Variants in SDK2 observed in about 807,000 individuals in gnomAD.
The protein encoded by SDK2 is sidekick cell adhesion molecule 2, also known as protein sidekick-2.
Under a neutral mutation model 253.9 loss-of-function variants are expected in SDK2, and 105 were observed. That is an observed-to-expected ratio of 0.41 (90% CI 0.35 to 0.49). SDK2 has a LOEUF of 0.49. SDK2 is among the 20% of genes least tolerant of loss of function. The pLI, the probability that SDK2 is intolerant of heterozygous loss-of-function variation, is 0.06. For missense variants in SDK2, 2,608 were observed against 3,003.0 expected (o/e 0.87, Z 3.07); for synonymous variants, 1,249 against 1,234.9 (o/e 1.01, Z -0.24).
At position 73,435,400 on chromosome 17, in the gene SDK2, C is replaced by T. The variant is rs371875223; in HGVS notation, c.1195+50G>A. 76 of 1,499,794 alleles carry T rather than the reference C, an allele frequency of 5.1e-5. No homozygotes were observed. In the Middle Eastern group the frequency reaches 5.2e-4, roughly 10 times the overall value. The allele number at this position is 1,499,794 out of a possible 1,614,324, so 92.9% of individuals were successfully genotyped here. Reference sequence around the variant, plus strand: ...CTCGGAAGACCTTGGAAGAAAGCTGCGTCCTGGGAAGAGGGGCTCACGGGC... The same window carrying T: ...CTCGGAAGACCTTGGAAGAAAGCTGTGTCCTGGGAAGAGGGGCTCACGGGC... On this transcript the variant is annotated intron_variant, in intron 9 of 44. Coordinates refer to ENST00000392650, the MANE Select transcript of SDK2 (RefSeq NM_001144952.2). The surrounding 1 kb of genome is among the most constrained non-coding windows in gnomAD (Gnocchi z 5.7).
At chr17:73,477,270 C>T (rs1298476310) in intron 2 of SDK2, among the ~76,000 whole-genome samples, 1 of 152,146 alleles carries the variant, frequency 6.6e-6, no homozygotes, top group Non-Finnish European at 1.5e-5. Context: ...CCCGTAGCTG[C>T]CAGCCCAGCA....
chr17:73,546,228 C>T (rs2044962699), intron 1 of SDK2, among the ~76,000 whole-genome samples: 1 of 152,198 alleles, frequency 6.6e-6, no homozygotes, highest in Non-Finnish European at 1.5e-5. Flanking sequence ...CAGACCTGCC[C>T]TCTCTCCTGT....
At chr17:73,506,159 A>G (rs1014268752) in intron 2 of SDK2, among the ~76,000 whole-genome samples, 1 of 152,238 alleles carries the variant, frequency 6.6e-6, no homozygotes, top group African/African-American at 2.4e-5. Context: ...GTCTAAGATG[A>G]TGCAGGGGCC....
At chr17:73,544,032 C>T (rs529513663) in intron 1 of SDK2, among the ~76,000 whole-genome samples, 4 of 152,318 alleles carry the variant, frequency 2.6e-5, no homozygotes, top group South Asian at 2.1e-4. Context: ...AATGAGGTAA[C>T]GTGAGCACAG....
intron 2 of SDK2, among the ~76,000 whole-genome samples, chr17:73,474,503 C>T (rs1216276112): frequency 6.6e-6 from 1 of 152,240 alleles, no homozygotes; most frequent in African/African-American, 2.4e-5. Flanking sequence ...GCCAAGTTCG[C>T]TCTGGCTCTG....
intron 40 of SDK2, among the ~76,000 whole-genome samples, chr17:73,355,276 G>C (rs1302440236): frequency 6.9e-6 from 1 of 144,694 alleles, no homozygotes. Flanking sequence ...TCCCATTCAA[G>C]AGATTCTCCT....
chr17:73,475,905 A>G (rs2063682941), intron 2 of SDK2, among the ~76,000 whole-genome samples: 2 of 152,336 alleles, frequency 1.3e-5, no homozygotes, highest in African/African-American at 4.8e-5. Context: ...TGAGGTCAGG[A>G]GTTCAAGACC....
At position 73,415,995 on chromosome 17, in the gene SDK2, G is replaced by T. The variant is rs762404848; in HGVS notation, c.2187-3C>A. Reference sequence around the variant, plus strand: ...CGGGCAGCCCGGCCAGGCAGTACCTGAGGGGAAGAGGCGAGGCACAGTGGA... The same window carrying T: ...CGGGCAGCCCGGCCAGGCAGTACCTTAGGGGAAGAGGCGAGGCACAGTGGA... On this transcript the variant is annotated splice_polypyrimidine_tract_variant and splice_region_variant and intron_variant, in intron 16 of 44. Transcript: ENST00000392650. 6.2e-7 allele frequency: 1 copy of T among 1,608,228 alleles called. No individual in the cohort carries two copies. Among genetic ancestry groups the T allele is most frequent in the Non-Finnish European group, 8.5e-7 (1 of 1,177,742 alleles).
At chr17:73,484,922 G>A (rs1029418748) in intron 2 of SDK2, among the ~76,000 whole-genome samples, 10 of 152,122 alleles carry the variant, frequency 6.6e-5, no homozygotes, top group Non-Finnish European at 1.2e-4. Context: ...CCAAAGTGCC[G>A]GGATTATAGC....
Position 73,570,580 on chromosome 17 carries a change from G to T in SDK2, c.65-62983C>A, listed in dbSNP as rs2045370946. On this transcript the variant is annotated intron_variant, in intron 1 of 44. Coordinates refer to ENST00000392650, the MANE Select transcript of SDK2 (RefSeq NM_001144952.2). This position sits in a 1 kb window ranked among gnomAD's most constrained non-coding sequence, Gnocchi z 4.2. ...GTGATGTTGCCACCTTCCACTGAGC[G>T]CTGACTACCCGTGAGGCACTGAACA... Among the ~76,000 whole-genome samples, 1 of 152,158 alleles carries T rather than the reference G, an allele frequency of 6.6e-6. No homozygotes were observed. Among genetic ancestry groups the T allele is most frequent in the Non-Finnish European group, 1.5e-5 (1 of 68,026 alleles).
In SDK2 at chr17:73,398,066, G is replaced by C; in HGVS notation, c.3323C>G (p.Ala1108Gly). The C allele has an allele frequency of 6.2e-7, 1 of 1,613,070 alleles. No individual in the cohort carries two copies. The highest frequency in any genetic ancestry group is 1.1e-5 in the South Asian group (1 of 91,084). Residue 1108 changes from alanine (A) to glycine (G), a missense_variant, in exon 24 of 45, where the codon GCC becomes GGC. Physicochemically the swap from Ala to Gly is moderately conservative, Grantham distance 60. Coordinates refer to ENST00000392650, the MANE Select transcript of SDK2 (RefSeq NM_001144952.2). ...GCGCAGCCACAGGCTGGTCTCACTGGCTGTGCGCAGAGACACATTGGCTGG... is the reference window on the plus strand; with the variant it reads ...GCGCAGCCACAGGCTGGTCTCACTGCCTGTGCGCAGAGACACATTGGCTGG... Reference protein sequence around the residue: ...MAPANVSLRTASETSLWLRWM... With the variant: ...MAPANVSLRTGSETSLWLRWM...
intron 30 of SDK2, 79 bp downstream of exon 30, chr17:73,387,757 C>A (rs1334000755): frequency 1.5e-6 from 2 of 1,336,160 alleles, no homozygotes; most frequent in Non-Finnish European, 2.0e-6. Flanking sequence ...TTCAGAAGGC[C>A]CCCTACCCAG....
chr17:73,434,275 C>G (rs79904856), intron 9 of SDK2, among the ~76,000 whole-genome samples: 4,237 of 152,352 alleles, frequency 0.028, 196 homozygotes, highest in African/African-American at 0.096. Context: ...CTAAGTGGCC[C>G]TGCCCCAGGA....
intron 27 of SDK2, among the ~76,000 whole-genome samples, chr17:73,392,782 G>T (rs896489592): frequency 6.6e-6 from 1 of 152,116 alleles, no homozygotes. Context: ...GGAGATAGGA[G>T]GGGGCAAGGG....
intron 36 of SDK2, among the ~76,000 whole-genome samples, chr17:73,376,766 AG>A (rs111843345): frequency 3.3e-5 from 5 of 152,052 alleles, no homozygotes; most frequent in African/African-American, 9.7e-5. Context: ...GGCATATGCT[AG>A]GGGGGCAATA....
chr17:73,598,695 C>T (rs1293174594), intron 1 of SDK2, among the ~76,000 whole-genome samples: 1 of 152,166 alleles, frequency 6.6e-6, no homozygotes, highest in African/African-American at 2.4e-5. Flanking sequence ...AAAATAGTCC[C>T]ACCGGGAGCA....
chr17:73,339,005 C>G lies in SDK2; in HGVS notation c.6166-65G>C, dbSNP rs988765213. The G allele has an allele frequency of 5.6e-6, 8 of 1,421,926 alleles. No individual in the cohort carries two copies. In the African/African-American group the frequency reaches 7.0e-5, roughly 13 times the overall value. 88.1% of individuals were successfully genotyped at this position (1,421,926 alleles called of 1,614,324 possible). On this transcript the variant is annotated intron_variant, in intron 44 of 44. Transcript: ENST00000392650. ...AGGGACAGGCCATTGTGGTTGGGGC[C>G]GGAAGGCACAGGGCATTCTGGTTCA...
At position 73,614,295 on chromosome 17, in the gene SDK2, G is replaced by A. The variant is rs191425456; in HGVS notation, c.64+29730C>T. ...ACAGTTAAGTGCAGGAAGGGGTCTC[G>A]CTCTTCCAGAAAGCTTCTCGAACCC... On this transcript the variant is annotated intron_variant, in intron 1 of 44. Transcript: ENST00000392650. Among the ~76,000 whole-genome samples, 459 of 152,246 alleles carry A rather than the reference G, an allele frequency of 3.0e-3. 5 individuals are homozygous for A. In the East Asian group the frequency reaches 0.033, roughly 11 times the overall value.
intron 1 of SDK2, among the ~76,000 whole-genome samples, chr17:73,533,465 T>C (rs1394895603): frequency 3.3e-5 from 5 of 152,358 alleles, no homozygotes; most frequent in African/African-American, 1.2e-4. Flanking sequence ...GCAAACAGTC[T>C]GGGACACCCC....
Sources: allele counts gnomAD v4.1 joint callset (sites outside exome capture counted in the v4.1 genomes callset), GRCh38; gene constraint gnomAD v4.1.1; non-coding constraint Gnocchi (gnomAD v3.1); transcripts MANE v1.5; gene names NCBI Gene and HGNC (gene_info 2026-07-23, HGNC 2026-07-21).